Variants in MDH1B observed in about 807,000 individuals in gnomAD.
The protein encoded by MDH1B is putative malate dehydrogenase 1B.
A neutral mutation model predicts 61.4 loss-of-function variants in MDH1B; 60 were observed. The observed-to-expected ratio is 0.98, with a 90% CI of 0.79 to 1.21. The LOEUF is 1.21. MDH1B is among the 50% of genes most tolerant of loss of function. The pLI is 0.00. For synonymous variants in MDH1B, 236 were observed against 218.7 expected (o/e 1.08, Z -0.70); for missense variants, 587 against 632.1 (o/e 0.93, Z 0.76).
At position 206,760,898 on chromosome 2, in the gene MDH1B, T is replaced by C; in HGVS notation, c.135+3A>G. 1.3e-6 allele frequency: 2 copies of C among 1,568,906 alleles called. No homozygotes were observed. Among genetic ancestry groups the C allele is most frequent in the Non-Finnish European group, 1.8e-6 (2 of 1,141,256 alleles). Reference sequence around the variant, plus strand: ...AGTTCAACAAACTATAAAGGCTTCTTACCTCCCAAACCTCAGGACGTTGTG... The same window carrying C: ...AGTTCAACAAACTATAAAGGCTTCTCACCTCCCAAACCTCAGGACGTTGTG... On this transcript the variant is annotated splice_donor_region_variant and intron_variant, in intron 2 of 11. Transcript: ENST00000374412.
intron 2 of MDH1B, among the ~76,000 whole-genome samples, chr2:206,759,755 AC>A (rs1326735955): frequency 5.9e-5 from 9 of 152,078 alleles, no homozygotes; most frequent in Admixed American, 5.9e-4. Flanking sequence ...ACACACCTGA[AC>A]TCCCTGGCAA....
At chr2:206,756,233 GAT>G (rs1688752276) in intron 4 of MDH1B, among the ~76,000 whole-genome samples, 1 of 152,164 alleles carries the variant, frequency 6.6e-6, no homozygotes, top group Non-Finnish European at 1.5e-5. Context: ...TAGGATCATG[GAT>G]GTTTATTACA....
intron 11 of MDH1B, among the ~76,000 whole-genome samples, chr2:206,739,100 G>A (rs1415223115): frequency 6.6e-6 from 1 of 152,088 alleles, no homozygotes; most frequent in African/African-American, 2.4e-5. Context: ...ATTTAATGAA[G>A]GATTTAAGGA....
intron 2 of MDH1B, among the ~76,000 whole-genome samples, chr2:206,759,115 G>A (rs950724097): frequency 2.7e-4 from 41 of 151,820 alleles, no homozygotes; most frequent in Middle Eastern, 3.2e-3. Context: ...GTTATTTCTC[G>A]TGATCTTCTT....
At chr2:206,743,437 G>A (rs561338494) in intron 9 of MDH1B, among the ~76,000 whole-genome samples, 2 of 152,184 alleles carry the variant, frequency 1.3e-5, no homozygotes, top group South Asian at 4.2e-4. Flanking sequence ...AGTTGCTCCT[G>A]TTCTACTTAA....
Position 206,745,664 on chromosome 2 carries a change from C to T in MDH1B, c.1366G>A (p.Val456Ile). 6.2e-7 allele frequency: 1 copy of T among 1,606,466 alleles called. No homozygotes were observed. Among genetic ancestry groups the T allele is most frequent in the African/African-American group, 1.3e-5 (1 of 74,708 alleles). Residue 456 changes from valine (V) to isoleucine (I), a missense_variant, in exon 9 of 12, where the codon GTT becomes ATT. Transcript: ENST00000374412. ...AAATGTATCTTGTCTCCAAGTGCAA[C>T]AAGTTTCTCCTGTTGAAATTTTATA... ...MTSDLIQEKL[V>I]ALGDKIHFQP...
At chr2:206,748,240 A>T (rs934000817) in intron 7 of MDH1B, among the ~76,000 whole-genome samples, 6 of 152,164 alleles carry the variant, frequency 3.9e-5, no homozygotes, top group African/African-American at 1.4e-4. Context: ...TTAGCTGGGC[A>T]TAGTGGCATG....
rs1249183344 is a variant in MDH1B, at chr2:206,757,301, A to T, written c.206T>A (p.Leu69Gln). 9.3e-6 allele frequency: 15 copies of T among 1,613,812 alleles called. No homozygotes were observed. The highest frequency in any genetic ancestry group is 1.2e-5 in the Non-Finnish European group (14 of 1,179,862). ...HKNSPIIWRE[L>Q]LDRGGKGLLL... Reference sequence around the variant, plus strand: ...CAAACCCTTTCCTCCACGATCCAACAGCTCTCTCCAGATGATAGGGGAATT... The same window carrying T: ...CAAACCCTTTCCTCCACGATCCAACTGCTCTCTCCAGATGATAGGGGAATT... The change falls in exon 3 of 12, where the codon CTG becomes CAG. Residue 69 changes from leucine (L) to glutamine (Q), a missense_variant. Leu to Gln is a moderately radical substitution (Grantham distance 113, BLOSUM62 -2). Transcript: ENST00000374412.
intron 7 of MDH1B, among the ~76,000 whole-genome samples, chr2:206,748,617 G>A (rs2105929145): frequency 6.6e-6 from 1 of 152,226 alleles, no homozygotes; most frequent in East Asian, 1.9e-4. Context: ...CCAGGTCAAA[G>A]CTCCTCATAC....
chr2:206,753,441 C>T (rs570573725), intron 5 of MDH1B, among the ~76,000 whole-genome samples: 1 of 152,112 alleles, frequency 6.6e-6, no homozygotes, highest in Non-Finnish European at 1.5e-5. Flanking sequence ...AGCCATGGTA[C>T]CTGGTGACTT....
At chr2:206,745,547 A>C in intron 9 of MDH1B, 75 bp downstream of exon 9, 1 of 1,075,176 alleles carries the variant, frequency 9.3e-7, no homozygotes, top group Non-Finnish European at 1.4e-6. Context: ...TCATATTAAC[A>C]GTGATTCAGT....
At chr2:206,761,296 C>T (rs550936206) in intron 1 of MDH1B, among the ~76,000 whole-genome samples, 9 of 152,192 alleles carry the variant, frequency 5.9e-5, no homozygotes, top group South Asian at 4.1e-4. Flanking sequence ...GACCTCACTT[C>T]CTCTAGGAGG....
rs879925877 is a variant in MDH1B at position 206,738,407 on chromosome 2, A to ATTATT, written c.*75_*76insAATAA. On this transcript the variant is annotated 3_prime_UTR_variant, in exon 12 of 12. Coordinates refer to ENST00000374412, the MANE Select transcript of MDH1B (RefSeq NM_001039845.3). ...AATCTTTCAAATTATTCTTCCTTAA[A>ATTATT]TATAGACATTCATATAAATTCTTTC... is the stretch of plus-strand genomic sequence containing the variant. The ATTATT allele has an allele frequency of 6.3e-6, 7 of 1,112,120 alleles. No homozygotes were observed. Among genetic ancestry groups the ATTATT allele is most frequent in the Non-Finnish European group, 9.1e-6 (7 of 770,696 alleles). The allele number at this position is 1,112,120 out of a possible 1,614,324, so 68.9% of individuals were successfully genotyped here. A position where few individuals can be genotyped will look rare whatever the true frequency, so the allele number is the denominator to read the frequency against.
At chr2:206,758,753 C>G (rs970613089) in intron 2 of MDH1B, among the ~76,000 whole-genome samples, 1 of 149,936 alleles carries the variant, frequency 6.7e-6, no homozygotes, top group Non-Finnish European at 1.5e-5. Context: ...GCGACAAGGG[C>G]GAAACTCCAT....
chr2:206,750,580 C>T (rs1184457124), intron 6 of MDH1B, among the ~76,000 whole-genome samples: 1 of 151,780 alleles, frequency 6.6e-6, no homozygotes, highest in Non-Finnish European at 1.5e-5. Flanking sequence ...GCCTGCTCAT[C>T]GTCTTAACTC....
chr2:206,740,040 A>AT (rs1456129541), intron 10 of MDH1B, among the ~76,000 whole-genome samples: 6 of 152,180 alleles, frequency 3.9e-5, no homozygotes, highest in African/African-American at 1.2e-4. Context: ...CTAAATTATT[A>AT]TTTTTTTGAT....
chr2:206,761,146 ACTG>A (rs763941016), intron 1 of MDH1B, 133 bp from the exon 2 acceptor site: 36 of 500,042 alleles, frequency 7.2e-5, no homozygotes, highest in Non-Finnish European at 1.2e-4. Flanking sequence ...TGCAGTATAA[ACTG>A]CTATTACATA....
intron 9 of MDH1B, chr2:206,745,330 T>C: frequency 1.9e-6 from 1 of 538,528 alleles, no homozygotes; most frequent in Non-Finnish European, 3.5e-6. Context: ...TTTCTGTTGT[T>C]TTTAAGCCAT....
intron 7 of MDH1B, among the ~76,000 whole-genome samples, chr2:206,748,639 T>G (rs1688262330): frequency 6.6e-6 from 1 of 152,216 alleles, no homozygotes; most frequent in Admixed American, 6.5e-5. Context: ...TTAGGCTTAC[T>G]GTAGTGTCAC....
Sources: allele counts gnomAD v4.1 joint callset (sites outside exome capture counted in the v4.1 genomes callset), GRCh38; gene constraint gnomAD v4.1.1; transcripts MANE v1.5; gene names NCBI Gene and HGNC (gene_info 2026-07-23, HGNC 2026-07-21).